Variants in NAALADL2 observed in about 807,000 individuals in gnomAD.
The protein encoded by NAALADL2 is inactive N-acetylated-alpha-linked acidic dipeptidase-like protein 2.
In NAALADL2, 76 loss-of-function variants were observed where a neutral mutation model predicts 87.2. The observed-to-expected ratio is 0.87, with a 90% confidence interval of 0.72 to 1.05. The LOEUF (loss-of-function observed/expected upper bound fraction) is 1.05. Ranked by LOEUF, NAALADL2 falls within the 50% of genes least tolerant of loss-of-function variation. The probability of loss-of-function intolerance (pLI) is 0.00; values close to 1 mark genes in which losing one functional copy is unlikely to be tolerated. For synonymous variants in NAALADL2, 354 were observed against 331.0 expected, an observed-to-expected ratio of 1.07 and a Z score of -0.75; for missense variants, 1,089 against 945.8, an observed-to-expected ratio of 1.15 and a Z score of -1.99.
chr3:174,831,093 CT>C lies in NAALADL2; in HGVS notation c.-9+93350del, dbSNP rs1472095207. 3.3e-5 allele frequency among the ~76,000 whole-genome samples: 5 copies of C among 151,806 alleles called. No individual in the cohort carries two copies. The East Asian group carries it at 7.7e-4, about 23-fold the overall frequency. On this transcript the variant is annotated intron_variant, in intron 3 of 3. Transcript: ENST00000434257. Reference sequence around the variant, plus strand: ...CTTCCTCTTTTCCTAATTGAATACCCTTTATTTCCTTCTCCTGCCTAACTGC... The same window carrying C: ...CTTCCTCTTTTCCTAATTGAATACCCTTATTTCCTTCTCCTGCCTAACTGC...
intron 4 of NAALADL2, among the ~76,000 whole-genome samples, chr3:175,257,641 A>AT (rs1750229075): frequency 1.3e-5 from 2 of 152,314 alleles, no homozygotes; most frequent in African/African-American, 4.8e-5. Flanking sequence ...TGATGTGACA[A>AT]AATATTAGAA....
At chr3:175,265,987 A>G (rs1314831130) in intron 4 of NAALADL2, among the ~76,000 whole-genome samples, 1 of 150,806 alleles carries the variant, frequency 6.6e-6, no homozygotes, top group Admixed American at 6.6e-5. Context: ...TATAGATCAT[A>G]TATATTATAG....
At chr3:175,738,537 G>A (rs190270468) in intron 12 of NAALADL2, among the ~76,000 whole-genome samples, 126 of 152,190 alleles carry the variant, frequency 8.3e-4, no homozygotes, top group African/African-American at 2.6e-3. Flanking sequence ...ATGAGCCACC[G>A]CACCTGGCCC....
intron 2 of NAALADL2, among the ~76,000 whole-genome samples, chr3:174,553,318 T>C (rs192971334): frequency 2.8e-4 from 43 of 152,264 alleles, no homozygotes; most frequent in Admixed American, 1.4e-3. Context: ...TTTGTATATT[T>C]GGTCAATTAA....
chr3:175,137,843 C>G (rs117153941), intron 2 of NAALADL2, among the ~76,000 whole-genome samples: 5 of 151,994 alleles, frequency 3.3e-5, no homozygotes, highest in South Asian at 2.1e-4. Context: ...AGGCTGATCT[C>G]GAACTCCTGA....
intron 6 of NAALADL2, among the ~76,000 whole-genome samples, chr3:175,455,931 A>G (rs766485381): frequency 5.9e-5 from 9 of 152,038 alleles, no homozygotes; most frequent in Non-Finnish European, 1.2e-4. Context: ...AAGTATATAT[A>G]ATGGGACAAA....
At chr3:174,732,386 T>A (rs1732788314) in intron 2 of NAALADL2, among the ~76,000 whole-genome samples, 5 of 151,962 alleles carry the variant, frequency 3.3e-5, no homozygotes, top group African/African-American at 1.2e-4. Context: ...GGAAAAGACA[T>A]GAAGAGAGTA....
intron 1 of NAALADL2, among the ~76,000 whole-genome samples, chr3:174,896,051 T>A (rs1204052860): frequency 6.6e-6 from 1 of 151,918 alleles, no homozygotes; most frequent in Non-Finnish European, 1.5e-5. Context: ...CTTAACATAA[T>A]AAAAGCCATA....
At chr3:174,687,782 A>C (rs1274696022) in intron 2 of NAALADL2, among the ~76,000 whole-genome samples, 6 of 152,078 alleles carry the variant, frequency 3.9e-5, no homozygotes, top group Admixed American at 3.9e-4. Flanking sequence ...GGCCAGGTGG[A>C]GATAATTGAA....
intron 2 of NAALADL2, among the ~76,000 whole-genome samples, chr3:175,169,207 CAT>C (rs1468212198): frequency 6.6e-6 from 1 of 151,654 alleles, no homozygotes; most frequent in Non-Finnish European, 1.5e-5. Flanking sequence ...TTACTTCAAA[CAT>C]AAATCTTTTT....
chr3:174,568,996 A>G (rs1012901656), intron 2 of NAALADL2, among the ~76,000 whole-genome samples: 1 of 151,658 alleles, frequency 6.6e-6, no homozygotes, highest in African/African-American at 2.4e-5. Context: ...TGTCCAATGC[A>G]TGCTATACCT....
At chr3:175,081,601 A>T (rs1020050892) in intron 1 of NAALADL2, among the ~76,000 whole-genome samples, 1 of 152,076 alleles carries the variant, frequency 6.6e-6, no homozygotes, top group African/African-American at 2.4e-5. Context: ...ATTGAGGGAG[A>T]TCACTTCACT....
chr3:174,469,993 T>C (rs1290569090), intron 1 of NAALADL2, among the ~76,000 whole-genome samples: 1 of 152,232 alleles, frequency 6.6e-6, no homozygotes, highest in Non-Finnish European at 1.5e-5. Context: ...AAAGTATTCT[T>C]GTATTTCTCA....
chr3:175,723,753 T>C (rs1187357380), intron 11 of NAALADL2, among the ~76,000 whole-genome samples: 4 of 152,044 alleles, frequency 2.6e-5, no homozygotes, highest in Non-Finnish European at 2.9e-5. Flanking sequence ...AACTTTATTT[T>C]CATTTTCTCC....
At chr3:175,688,507 G>A (rs1410200455) in intron 11 of NAALADL2, among the ~76,000 whole-genome samples, 3 of 152,146 alleles carry the variant, frequency 2.0e-5, no homozygotes. Context: ...TTGATGAAGT[G>A]CAAAAGAGTA....
In NAALADL2 at chr3:175,595,455, C is replaced by T. The variant is rs570332707; in HGVS notation, c.1800+19268C>T. Among the ~76,000 whole-genome samples the T allele has an allele frequency of 2.6e-5, 4 of 151,910 alleles. No individual in the cohort carries two copies. The South Asian group carries it at 8.3e-4, about 32-fold the overall frequency. On this transcript the variant is annotated intron_variant, in intron 10 of 13. Transcript: ENST00000454872. ...AAATAAGTCAAAATATCTCTCTTAG[C>T]TGATGATGATTTGATACTTGAAAAA...
At chr3:174,501,113 C>T (rs1486339538) in intron 1 of NAALADL2, among the ~76,000 whole-genome samples, 1 of 129,330 alleles carries the variant, frequency 7.7e-6, no homozygotes, top group Non-Finnish European at 1.5e-5. Context: ...GAGTCTCGCT[C>T]TGTCACTCAG....
intron 3 of NAALADL2, among the ~76,000 whole-genome samples, chr3:175,234,645 A>G (rs1385978058): frequency 1.3e-5 from 2 of 152,146 alleles, no homozygotes; most frequent in Non-Finnish European, 2.9e-5. Context: ...CAGCGCCCCT[A>G]CTTTCATGAT....
intron 3 of NAALADL2, among the ~76,000 whole-genome samples, chr3:174,802,557 T>C (rs771654645): frequency 2.6e-5 from 4 of 152,190 alleles, no homozygotes; most frequent in Non-Finnish European, 4.4e-5. Context: ...TAGGTATACA[T>C]GTGCCATGTT....
Sources: gnomAD v4.1 joint callset for allele counts (sites outside exome capture counted in the v4.1 genomes callset) on GRCh38, gnomAD v4.1.1 for gene constraint, MANE v1.5 for transcripts, NCBI Gene and HGNC (gene_info 2026-07-23, HGNC 2026-07-21) for gene names.